The following INPP5A variants were observed in gnomAD, a reference collection of about 807,000 sequenced individuals.
INPP5A encodes 43 kDa inositol polyphosphate 5-phophatase.
INPP5A carries 14 observed loss-of-function variants against 65.2 expected under a neutral mutation model. The ratio of observed to expected loss-of-function variants is 0.21; its 90% CI spans 0.14 to 0.34. The LOEUF is 0.34. Ranked by LOEUF, INPP5A falls within the 10% of genes least tolerant of loss-of-function variation. The pLI is 1.00. For missense variants in INPP5A, 431 were observed against 545.6 expected (o/e 0.79, Z 2.09); for synonymous variants, 207 against 208.3 (o/e 0.99, Z 0.05).
At chr10:132,729,939 G>A (rs1040999498) in intron 9 of INPP5A, among the ~76,000 whole-genome samples, 1 of 152,182 alleles carries the variant, frequency 6.6e-6, no homozygotes, top group Non-Finnish European at 1.5e-5. Context: ...GCAGCTGCTC[G>A]AGCGGCTGGT....
intron 9 of INPP5A, among the ~76,000 whole-genome samples, chr10:132,733,110 C>T (rs1242661340): frequency 6.6e-6 from 1 of 152,230 alleles, no homozygotes. Context: ...GCCGCATCAC[C>T]TCCGTCTGCG....
intron 1 of INPP5A, among the ~76,000 whole-genome samples, chr10:132,602,774 G>C (rs367759904): frequency 6.6e-6 from 1 of 152,184 alleles, no homozygotes; most frequent in South Asian, 2.1e-4. Context: ...TGATGAGCGC[G>C]GGCATCCTGG....
Position 132,697,684 on chromosome 10 carries a change from A to G in INPP5A, c.371-132A>G. 1 of 654,110 alleles carries G rather than the reference A, an allele frequency of 1.5e-6. No homozygotes were observed. Among genetic ancestry groups the G allele is most frequent in the East Asian group, 2.8e-5 (1 of 36,210 alleles). 40.5% of individuals were successfully genotyped at this position (654,110 alleles called of 1,614,324 possible). ...GGGTCTGTTCTGGGTCGGACCCCTC[A>G]TCAGGGCCTCCTCTCGGGGGGCCTC... is the stretch of plus-strand genomic sequence containing the variant. On this transcript the variant is annotated intron_variant, in intron 5 of 15. Transcript: ENST00000368594. The surrounding 1 kb of genome is among the most constrained non-coding windows in gnomAD (Gnocchi z 5.6).
intron 2 of INPP5A, among the ~76,000 whole-genome samples, chr10:132,617,357 G>C (rs1564936321): frequency 1.3e-5 from 2 of 152,184 alleles, no homozygotes; most frequent in Admixed American, 1.3e-4. Flanking sequence ...TCTGATCTAA[G>C]GACAAGAAGC....
chr10:132,732,662 C>G (rs1335783300), intron 9 of INPP5A, among the ~76,000 whole-genome samples: 1 of 152,196 alleles, frequency 6.6e-6, no homozygotes, highest in African/African-American at 2.4e-5. Flanking sequence ...TGAGGAGTCA[C>G]AGGACCCTGG....
rs2134583013 is a variant in INPP5A, at chr10:132,727,246, T to C, written c.732+341T>C. The C allele has an allele frequency of 1.3e-5, 3 of 227,002 alleles. No homozygotes were observed. The South Asian group carries it at 4.2e-4, about 31-fold the overall frequency. 14.1% of individuals were successfully genotyped at this position (227,002 alleles called of 1,614,324 possible). ...CCACAGAGCTGCAGCCTCTGCAGAG[T>C]GTCAGCTCCTTCACACTGTCCAACT... On this transcript the variant is annotated intron_variant, in intron 9 of 15. Transcript: ENST00000368594. The surrounding 1 kb of genome is among the most constrained non-coding windows in gnomAD (Gnocchi z 6.5).
At chr10:132,755,470 GAGC>G (rs954112728) in intron 11 of INPP5A, among the ~76,000 whole-genome samples, 12 of 150,920 alleles carry the variant, frequency 8.0e-5, no homozygotes, top group Non-Finnish European at 1.5e-4. Flanking sequence ...GAGTGTGTGT[GAGC>G]AGGCATACGC....
chr10:132,602,831 G>T (rs2071793973), intron 1 of INPP5A, among the ~76,000 whole-genome samples: 1 of 152,164 alleles, frequency 6.6e-6, no homozygotes, highest in African/African-American at 2.4e-5. Flanking sequence ...ACTATTGAGT[G>T]CATTCACTGT....
rs987818191 is a variant in INPP5A at position 132,550,891 on chromosome 10, C to T, written c.75+12720C>T. ...CCAACTGGCCCCTATGGCGTTTGGC[C>T]TTCAGGGTGGTCATTGGGTGCGTGG... On this transcript the variant is annotated intron_variant, in intron 1 of 15. Coordinates refer to ENST00000368594, the MANE Select transcript of INPP5A (RefSeq NM_005539.5). The surrounding 1 kb of genome is among the most constrained non-coding windows in gnomAD (Gnocchi z 4.2). 6.6e-6 allele frequency among the ~76,000 whole-genome samples: 1 copy of T among 152,204 alleles called. No homozygotes were observed. Among genetic ancestry groups the T allele is most frequent in the Non-Finnish European group, 1.5e-5 (1 of 68,030 alleles).
At chr10:132,709,147 C>G (rs1376342456) in intron 7 of INPP5A, among the ~76,000 whole-genome samples, 3 of 151,194 alleles carry the variant, frequency 2.0e-5, no homozygotes, top group Non-Finnish European at 2.9e-5. Flanking sequence ...GACTCATCTC[C>G]GAGCTCACTG....
chr10:132,658,593 C>T (rs992740026), intron 4 of INPP5A, among the ~76,000 whole-genome samples: 1 of 152,178 alleles, frequency 6.6e-6, no homozygotes, highest in South Asian at 2.1e-4. Flanking sequence ...TTGGATGCAG[C>T]CTTGACGCGT....
At chr10:132,562,242 A>G (rs1312893266) in intron 1 of INPP5A, among the ~76,000 whole-genome samples, 1 of 152,206 alleles carries the variant, frequency 6.6e-6, no homozygotes, top group Non-Finnish European at 1.5e-5. Flanking sequence ...ACAGGTGTCC[A>G]GGGCTTGATA....
At chr10:132,718,969 T>C (rs1236373566) in intron 8 of INPP5A, among the ~76,000 whole-genome samples, 3 of 145,310 alleles carry the variant, frequency 2.1e-5, no homozygotes, top group East Asian at 2.1e-4. Flanking sequence ...ACGACTGTCT[T>C]GCGGGTTCTG....
At position 132,708,193 on chromosome 10, in the gene INPP5A, G is replaced by A. The variant is rs1003174752; in HGVS notation, c.475-120G>A. 2.2e-5 allele frequency: 18 copies of A among 826,334 alleles called. 1 individual carries two copies. Among genetic ancestry groups the A allele is most frequent in the Admixed American group, 6.4e-5 (3 of 46,702 alleles). 51.2% of individuals were successfully genotyped at this position (826,334 alleles called of 1,614,324 possible). A position where few individuals can be genotyped will look rare whatever the true frequency, so the allele number is the denominator to read the frequency against. On this transcript the variant is annotated intron_variant, in intron 6 of 15. Transcript: ENST00000368594. ...TCTTTAGTGGGGCGGCATCAGTGCCGGAAGAGCCCTGCTGTTTTTTGTTTG... is the reference window on the plus strand; with the variant it reads ...TCTTTAGTGGGGCGGCATCAGTGCCAGAAGAGCCCTGCTGTTTTTTGTTTG...
At position 132,676,093 on chromosome 10, in the gene INPP5A, A is replaced by T. The variant is rs145112634; in HGVS notation, c.307-14299A>T. Among the ~76,000 whole-genome samples, 247 of 152,372 alleles carry T rather than the reference A, an allele frequency of 1.6e-3. No individual in the cohort carries two copies. The highest frequency in any genetic ancestry group is 5.9e-3 in the African/African-American group (244 of 41,584). On this transcript the variant is annotated intron_variant, in intron 4 of 15. Coordinates refer to ENST00000368594, the MANE Select transcript of INPP5A (RefSeq NM_005539.5). This position sits in a 1 kb window ranked among gnomAD's most constrained non-coding sequence, Gnocchi z 4.0. ...TAATCATTTATACGTAGAAAAATAT[A>T]ACAAATTTCATAATTAAAACTAGTT...
chr10:132,756,187 A>G (rs564727836), intron 11 of INPP5A, among the ~76,000 whole-genome samples: 1 of 152,246 alleles, frequency 6.6e-6, no homozygotes, highest in Non-Finnish European at 1.5e-5. Flanking sequence ...GTGTGTGTGT[A>G]CACATATGTG....
chr10:132,584,196 G>A (rs967352889), intron 1 of INPP5A, among the ~76,000 whole-genome samples: 10 of 152,176 alleles, frequency 6.6e-5, no homozygotes, highest in South Asian at 2.1e-4. Context: ...TGCCTTTGCC[G>A]GTTTTGGTGT....
chr10:132,654,717 A>C (rs1429684235), intron 4 of INPP5A, among the ~76,000 whole-genome samples: 1 of 152,276 alleles, frequency 6.6e-6, no homozygotes, highest in Non-Finnish European at 1.5e-5. Flanking sequence ...TAATTGAAAA[A>C]GGAAATTGAA....
intron 4 of INPP5A, among the ~76,000 whole-genome samples, chr10:132,682,611 A>T (rs1228984787): frequency 2.0e-5 from 3 of 152,236 alleles, no homozygotes; most frequent in Non-Finnish European, 2.9e-5. Context: ...AGGAGGGGCA[A>T]CGTGGTGGTG....
Sources: gnomAD v4.1 joint callset for allele counts (sites outside exome capture counted in the v4.1 genomes callset) on GRCh38, gnomAD v4.1.1 for gene constraint, Gnocchi (gnomAD v3.1) non-coding constraint, MANE v1.5 for transcripts, NCBI Gene and HGNC (gene_info 2026-07-23, HGNC 2026-07-21) for gene names.